MPI: variants seen among roughly 807,000 people sequenced by gnomAD.
MPI encodes the protein mannose phosphate isomerase.
MPI carries 33 observed loss-of-function variants against 40.1 expected under a neutral mutation model. The observed-to-expected ratio is 0.82, with a 90% confidence interval of 0.62 to 1.10. The LOEUF is 1.10. Among genes scored for constraint, MPI ranks in the 50% least tolerant of loss-of-function variants. The pLI, the probability that MPI is intolerant of heterozygous loss-of-function variation, is 0.00. For missense variants in MPI, 514 were observed against 524.1 expected (o/e 0.98, Z 0.19); for synonymous variants, 187 against 207.4 (o/e 0.90, Z 0.85).
intron 5 of MPI, 79 bp from the exon 6 acceptor site, chr15:74,896,072 AG>A (rs2064812924): frequency 6.4e-7 from 1 of 1,556,966 alleles, no homozygotes. Context: ...ACCTTTTCCT[AG>A]GACTCCCTGG....
At chr15:74,895,938 TCAAGATATGATG>T (rs2064811321) in intron 5 of MPI, 2 of 602,250 alleles carry the variant, frequency 3.3e-6, no homozygotes, top group African/African-American at 3.7e-5. Flanking sequence ...ATATGAATAG[TCAAGATATGATG>T]AAAGATGGTA....
chr15:74,893,660 G>A, intron 5 of MPI: 1 of 586,688 alleles, frequency 1.7e-6, no homozygotes, highest in Non-Finnish European at 3.0e-6. Context: ...GGGCTAAAGA[G>A]GCAGGAAGGG....
At chr15:74,890,275 C>T (rs1349789801) in intron 1 of MPI, 186 bp downstream of exon 1, 4 of 952,320 alleles carry the variant, frequency 4.2e-6, no homozygotes, top group Non-Finnish European at 6.5e-6. Context: ...TTCTAGACGT[C>T]GTGCCGTGGG....
chr15:74,891,513 C>T lies in MPI; in HGVS notation c.279C>T (p.Asn93=). 1.9e-6 allele frequency: 3 copies of T among 1,614,190 alleles called. No individual in the cohort carries two copies. Among genetic ancestry groups the T allele is most frequent in the African/African-American group, 1.3e-5 (1 of 75,040 alleles). ...AGGTCAAGGACACCTTTAATGGCAACCTGCCCTTCCTCTTCAAAGTGCTCT... is the reference window on the plus strand; with the variant it reads ...AGGTCAAGGACACCTTTAATGGCAATCTGCCCTTCCTCTTCAAAGTGCTCT... The part of the protein sequence containing the change: ...GSKVKDTFNG[N]LPFLFKVLSV... The change falls in exon 3 of 8, where the codon AAC becomes AAT. Residue 93 remains asparagine, a synonymous_variant. Transcript: ENST00000352410.
At position 74,896,222 on chromosome 15, in the gene MPI, T is replaced by C; in HGVS notation, c.741T>C (p.Gly247=). 1 of 1,614,174 alleles carries C rather than the reference T, an allele frequency of 6.2e-7. No individual in the cohort carries two copies. ...TACAGCTGCACCAGCAGTACCCAGG[T>C]GATATCGGCTGCTTTGCCATCTACT... is the stretch of plus-strand genomic sequence containing the variant. The part of the protein sequence containing the change: ...LLLQLHQQYP[G]DIGCFAIYFL... Residue 247 remains glycine, a synonymous_variant, in exon 6 of 8, where the codon GGT becomes GGC. Transcript: ENST00000352410.
chr15:74,894,054 G>A (rs1328418301), intron 5 of MPI, among the ~76,000 whole-genome samples: 1 of 18,282 alleles, frequency 5.5e-5, no homozygotes, highest in African/African-American at 3.3e-4. Context: ...GTGTGTGTGT[G>A]TGTGTGTGTG....
At chr15:74,893,817 G>A in intron 5 of MPI, 1 of 228,920 alleles carries the variant, frequency 4.4e-6, no homozygotes, top group East Asian at 9.0e-5. Flanking sequence ...TCACCCTAAA[G>A]GTGGGGAGTC....
intron 5 of MPI, chr15:74,893,662 C>CAGG: frequency 1.7e-6 from 1 of 586,264 alleles, no homozygotes; most frequent in Non-Finnish European, 3.0e-6. Context: ...GCTAAAGAGG[C>CAGG]AGGAAGGGGA....
chr15:74,892,290 C>G (rs2064738987), intron 3 of MPI, among the ~76,000 whole-genome samples: 1 of 152,170 alleles, frequency 6.6e-6, no homozygotes, highest in South Asian at 2.1e-4. Flanking sequence ...CCATGCCCAG[C>G]CAAAACTCCT....
intron 6 of MPI, 184 bp downstream of exon 6, chr15:74,896,509 C>G (rs757076762): frequency 1.0e-4 from 73 of 729,248 alleles, no homozygotes; most frequent in Middle Eastern, 4.5e-4. Flanking sequence ...TAGCATTGAA[C>G]ACGCCTTGAA....
At position 74,897,876 on chromosome 15, in the gene MPI, G is replaced by C. The variant is rs904071382; in HGVS notation, c.*146G>C. 1.9e-5 allele frequency: 15 copies of C among 800,706 alleles called. No individual in the cohort carries two copies. The highest frequency in any genetic ancestry group is 5.1e-5 in the African/African-American group (3 of 58,948). The allele number at this position is 800,706 out of a possible 1,614,324, so 49.6% of individuals were successfully genotyped here. ...GCTGGGGTGGGGGAGGAGGGAGCGTGAAGGTAGTGACTCCTGAACACACCC... is the reference window on the plus strand; with the variant it reads ...GCTGGGGTGGGGGAGGAGGGAGCGTCAAGGTAGTGACTCCTGAACACACCC... On this transcript the variant is annotated 3_prime_UTR_variant, in exon 8 of 8. Transcript: ENST00000352410.
rs988787831 is a variant in MPI, at chr15:74,901,809, A to C, written c.*4079A>C. ...ACTGCAGGCTTCTGGGGCCAGCCCC[A>C]GTACCTTCGACCTAATCTTTAGCTC... On this transcript the variant is annotated 3_prime_UTR_variant, in exon 8 of 8. Transcript: ENST00000352410. The C allele has an allele frequency of 3.4e-6, 1 of 298,262 alleles. No homozygotes were observed. The highest frequency in any genetic ancestry group is 6.1e-6 in the Non-Finnish European group (1 of 163,924). The allele number at this position is 298,262 out of a possible 1,614,324, so 18.5% of individuals were successfully genotyped here.
At chr15:74,890,492 A>C (rs748988836) in intron 1 of MPI, 35 bp from the exon 2 acceptor site, 8 of 1,613,530 alleles carry the variant, frequency 5.0e-6, no homozygotes, top group East Asian at 4.5e-5. Flanking sequence ...GGGCCTGAGG[A>C]GTGGAGTGGC....
intron 2 of MPI, chr15:74,891,171 A>G (rs2064720304): frequency 1.6e-6 from 1 of 635,472 alleles, no homozygotes; most frequent in East Asian, 2.8e-5. Context: ...AAGTCTTCAT[A>G]GATGGCTAGA....
At position 74,901,893 on chromosome 15, in the gene MPI, A is replaced by G; in HGVS notation, c.*4163A>G. 7.7e-6 allele frequency: 3 copies of G among 389,058 alleles called. No homozygotes were observed. The highest frequency in any genetic ancestry group is 1.4e-5 in the Non-Finnish European group (3 of 220,624). The allele number at this position is 389,058 out of a possible 1,614,324, so 24.1% of individuals were successfully genotyped here. A position where few individuals can be genotyped will look rare whatever the true frequency, so the allele number is the denominator to read the frequency against. ...GAAATACAAATAAATAAATATGAACATGTCAGAGCAGTTTTTCTCTAACTA... is the reference window on the plus strand; with the variant it reads ...GAAATACAAATAAATAAATATGAACGTGTCAGAGCAGTTTTTCTCTAACTA... On this transcript the variant is annotated 3_prime_UTR_variant, in exon 8 of 8. Transcript: ENST00000352410.
rs1436900898 is a variant in MPI at position 74,896,907 on chromosome 15, T to C, written c.845-104T>C. On this transcript the variant is annotated intron_variant, in intron 6 of 7. Coordinates refer to ENST00000352410, the MANE Select transcript of MPI (RefSeq NM_002435.3). Reference sequence around the variant, plus strand: ...CAGAGAATACAATTCATGGAAATTTTTACCTAACTTGGCATGGGGTTCATG... The same window carrying C: ...CAGAGAATACAATTCATGGAAATTTCTACCTAACTTGGCATGGGGTTCATG... 1.0e-5 allele frequency: 11 copies of C among 1,062,546 alleles called. No homozygotes were observed. In the Admixed American group the frequency reaches 1.9e-4, roughly 18 times the overall value. The allele number at this position is 1,062,546 out of a possible 1,614,324, so 65.8% of individuals were successfully genotyped here.
intron 5 of MPI, among the ~76,000 whole-genome samples, chr15:74,894,273 G>A (rs930501409): frequency 2.6e-5 from 4 of 151,690 alleles, no homozygotes; most frequent in Admixed American, 6.6e-5. Flanking sequence ...TAGTAGAGAC[G>A]GAGTTTCACC....
intron 7 of MPI, 106 bp from the exon 8 acceptor site, chr15:74,897,406 G>A (rs1307284555): frequency 4.5e-6 from 6 of 1,342,074 alleles, no homozygotes; most frequent in South Asian, 2.4e-5. Context: ...TGGGTTGTGC[G>A]AGAAGGTGGC....
rs2064905969 is a variant in MPI at position 74,900,405 on chromosome 15, G to A, written c.*2675G>A. 6.6e-6 allele frequency: 1 copy of A among 152,206 alleles called. No homozygotes were observed. Among genetic ancestry groups the A allele is most frequent in the Non-Finnish European group, 1.5e-5 (1 of 68,108 alleles). 9.4% of individuals were successfully genotyped at this position (152,206 alleles called of 1,614,324 possible). On this transcript the variant is annotated 3_prime_UTR_variant, in exon 8 of 8. Transcript: ENST00000352410. ...ACGATGCAGAGGGCCTTGGTTTTGG[G>A]GTCCTGCCACCCTCACCCCTAGAAG...
Sources: gnomAD v4.1 joint callset for allele counts (sites outside exome capture counted in the v4.1 genomes callset) on GRCh38, gnomAD v4.1.1 for gene constraint, MANE v1.5 for transcripts, NCBI Gene and HGNC (gene_info 2026-07-23, HGNC 2026-07-21) for gene names.